DTNA: variants seen among roughly 807,000 people sequenced by gnomAD.
DTNA encodes the protein dystrophin-related protein 3.
In DTNA, 43 loss-of-function variants were observed where a neutral mutation model predicts 100.7. The ratio of observed to expected loss-of-function variants is 0.43; its 90% CI spans 0.33 to 0.55. The LOEUF (loss-of-function observed/expected upper bound fraction) is 0.55, where lower values mean the gene tolerates loss of function less well. DTNA is among the 20% of genes least tolerant of loss of function. DTNA has a pLI of 0.04. For missense variants in DTNA, 798 were observed against 953.9 expected (o/e 0.84, Z 2.15); for synonymous variants, 349 against 347.9 (o/e 1.00, Z -0.04).
At chr18:34,813,097 G>A (rs779432113) in intron 6 of DTNA, among the ~76,000 whole-genome samples, 6 of 152,158 alleles carry the variant, frequency 3.9e-5, no homozygotes, top group East Asian at 1.9e-4. Context: ...ATTCTCCAGC[G>A]TAGCCCAGTG....
In DTNA at chr18:34,497,119, A is replaced by G. The variant is rs146732962; in HGVS notation, c.-2+3605A>G. The stretch of plus-strand genomic sequence containing the variant: ...AGTCATTTTCTTTCTTTTCCTTGGC[A>G]ACTACTTTCAAACTGAAAGAAGTAG... On this transcript the variant is annotated intron_variant, in intron 1 of 19. Transcript: ENST00000283365. 2.0e-5 allele frequency among the ~76,000 whole-genome samples: 3 copies of G among 152,320 alleles called. No individual in the cohort carries two copies. In the East Asian group the frequency reaches 5.8e-4, roughly 29 times the overall value.
chr18:34,568,905 C>A (rs139220987), intron 1 of DTNA, among the ~76,000 whole-genome samples: 50 of 152,290 alleles, frequency 3.3e-4, no homozygotes, highest in Middle Eastern at 6.8e-3. Flanking sequence ...CATGAGCCGC[C>A]ACACCTGGCC....
chr18:34,638,975 G>T (rs931178636), intron 1 of DTNA, among the ~76,000 whole-genome samples: 1 of 152,104 alleles, frequency 6.6e-6, no homozygotes, highest in African/African-American at 2.4e-5. Flanking sequence ...CCGAGTAGCT[G>T]GGATTACAGC....
intron 1 of DTNA, among the ~76,000 whole-genome samples, chr18:34,746,163 T>TA (rs967258740): frequency 7.3e-5 from 11 of 150,164 alleles, no homozygotes; most frequent in African/African-American, 2.5e-4. Context: ...CAAGGTTAAT[T>TA]AAAAAAACAG....
chr18:34,583,901 C>A (rs1009298851), intron 1 of DTNA, among the ~76,000 whole-genome samples: 2 of 152,164 alleles, frequency 1.3e-5, no homozygotes, highest in African/African-American at 4.8e-5. Context: ...GTATTATTCT[C>A]TGGAGTAACT....
At chr18:34,588,862 A>C (rs1304315217) in intron 1 of DTNA, among the ~76,000 whole-genome samples, 2 of 152,098 alleles carry the variant, frequency 1.3e-5, no homozygotes, top group Non-Finnish European at 2.9e-5. Flanking sequence ...GTGCACATAC[A>C]CATGCAAGCT....
At chr18:34,665,069 T>C (rs2075721163) in intron 1 of DTNA, among the ~76,000 whole-genome samples, 2 of 151,892 alleles carry the variant, frequency 1.3e-5, no homozygotes, top group Admixed American at 1.3e-4. Flanking sequence ...AGGTGGCTCC[T>C]AAGGCATATG....
intron 1 of DTNA, among the ~76,000 whole-genome samples, chr18:34,656,191 A>T (rs556059503): frequency 1.3e-5 from 2 of 152,356 alleles, no homozygotes; most frequent in African/African-American, 4.8e-5. Flanking sequence ...AGTTGCTTTT[A>T]TCTCTTGAAT....
chr18:34,766,675 TAATAA>T (rs1371765059), intron 3 of DTNA, among the ~76,000 whole-genome samples: 4 of 152,266 alleles, frequency 2.6e-5, no homozygotes, highest in South Asian at 2.1e-4. Context: ...AGTGTAATAA[TAATAA>T]AATAAAATAA....
chr18:34,565,845 C>T (rs1289544521), intron 1 of DTNA, among the ~76,000 whole-genome samples: 9 of 152,222 alleles, frequency 5.9e-5, no homozygotes, highest in African/African-American at 1.9e-4. Context: ...TGGAGACCAG[C>T]ATTCAACCTG....
chr18:34,590,957 G>A (rs1445958436), intron 1 of DTNA, among the ~76,000 whole-genome samples: 1 of 152,070 alleles, frequency 6.6e-6, no homozygotes, highest in Non-Finnish European at 1.5e-5. Flanking sequence ...TCTAAGACTG[G>A]CACAAATGGA....
At chr18:34,857,912 A>T (rs773582611) in intron 15 of DTNA, among the ~76,000 whole-genome samples, 1 of 152,170 alleles carries the variant, frequency 6.6e-6, no homozygotes, top group African/African-American at 2.4e-5. Context: ...TAACAGGAAG[A>T]TGCATTTTTG....
intron 9 of DTNA, among the ~76,000 whole-genome samples, chr18:34,824,816 G>A (rs927347070): frequency 6.6e-6 from 1 of 150,540 alleles, no homozygotes; most frequent in African/African-American, 2.4e-5. Context: ...CCTAGGCTGA[G>A]ATTACAAGTG....
chr18:34,641,244 A>T (rs1226844523), intron 1 of DTNA, among the ~76,000 whole-genome samples: 1 of 152,222 alleles, frequency 6.6e-6, no homozygotes, highest in Non-Finnish European at 1.5e-5. Flanking sequence ...GCCTAAAAAT[A>T]ATTATAACTA....
chr18:34,788,221 A>C (rs2094577095), intron 3 of DTNA, among the ~76,000 whole-genome samples: 1 of 152,226 alleles, frequency 6.6e-6, no homozygotes, highest in South Asian at 2.1e-4. Flanking sequence ...ATATTTATAC[A>C]ACTGTCAGAC....
At chr18:34,871,909 A>C (rs1054221922) in intron 17 of DTNA, among the ~76,000 whole-genome samples, 1 of 152,230 alleles carries the variant, frequency 6.6e-6, no homozygotes, top group African/African-American at 2.4e-5. Context: ...TGTGGGAAAG[A>C]TGCAACTGAT....
At chr18:34,877,060 G>A (rs1429367534) in intron 18 of DTNA, among the ~76,000 whole-genome samples, 18 of 152,072 alleles carry the variant, frequency 1.2e-4, no homozygotes, top group Non-Finnish European at 1.5e-5. Flanking sequence ...CTGCCATAAA[G>A]AAACATAGTC....
Position 34,891,266 on chromosome 18 carries a change from TTGTGTGTGTG to T in DTNA, c.*3548_*3557del, listed in dbSNP as rs3081492. On this transcript the variant is annotated 3_prime_UTR_variant, in exon 23 of 23. Transcript: ENST00000444659. ...TTTTGTATTGCTGTTAAGTATTGTTTTGTGTGTGTGTGTGTGTGTGTGTGTTGGAACCTCC... is the reference window on the plus strand; with the variant it reads ...TTTTGTATTGCTGTTAAGTATTGTTTTGTGTGTGTGTGTGTTGGAACCTCC... 2 of 150,084 alleles carry T rather than the reference TTGTGTGTGTG, an allele frequency of 1.3e-5. No individual in the cohort carries two copies. Among genetic ancestry groups the T allele is most frequent in the Non-Finnish European group, 3.0e-5 (2 of 67,178 alleles). The allele number at this position is 150,084 out of a possible 1,614,324, so 9.3% of individuals were successfully genotyped here.
chr18:34,543,838 C>T (rs2044494145), intron 1 of DTNA, among the ~76,000 whole-genome samples: 1 of 152,074 alleles, frequency 6.6e-6, no homozygotes, highest in South Asian at 2.1e-4. Flanking sequence ...TGCTTTTCAA[C>T]TTTGTAGCAG....
Sources: gnomAD v4.1 joint callset for allele counts (sites outside exome capture counted in the v4.1 genomes callset) on GRCh38, gnomAD v4.1.1 for gene constraint, MANE v1.5 for transcripts, NCBI Gene and HGNC (gene_info 2026-07-23, HGNC 2026-07-21) for gene names.